The following PHC3 variants were observed in gnomAD, a reference collection of about 807,000 sequenced individuals.
The protein encoded by PHC3 is polyhomeotic-like protein 3.
In PHC3, 13 loss-of-function variants were observed where a neutral mutation model predicts 107.4. The observed-to-expected ratio is 0.12, with a 90% CI of 0.08 to 0.19. The LOEUF (loss-of-function observed/expected upper bound fraction) is 0.19. Ranked by LOEUF, PHC3 falls within the 10% of genes least tolerant of loss-of-function variation. The pLI is 1.00. For missense variants in PHC3, 992 were observed against 1,210.9 expected (o/e 0.82, Z 2.68); for synonymous variants, 456 against 427.4 (o/e 1.07, Z -0.83).
intron 5 of PHC3, chr3:170,147,221 C>G (rs1436386736): frequency 6.6e-6 from 1 of 152,158 alleles, no homozygotes; most frequent in African/African-American, 2.4e-5. Flanking sequence ...TTAACCAATT[C>G]AATTTAGTAA....
chr3:170,124,711 T>C (rs1720982765), intron 8 of PHC3, among the ~76,000 whole-genome samples: 1 of 152,194 alleles, frequency 6.6e-6, no homozygotes, highest in South Asian at 2.1e-4. Flanking sequence ...CAAGAAACCT[T>C]TCAGCAACAT....
chr3:170,165,833 T>C (rs1294154532), intron 4 of PHC3, among the ~76,000 whole-genome samples: 1 of 148,106 alleles, frequency 6.8e-6, no homozygotes, highest in African/African-American at 2.5e-5. Context: ...TCAGGCCCAG[T>C]AGCATGCACC....
At chr3:170,126,959 T>C (rs1053838564) in intron 8 of PHC3, among the ~76,000 whole-genome samples, 2 of 152,162 alleles carry the variant, frequency 1.3e-5, no homozygotes, top group Non-Finnish European at 2.9e-5. Context: ...TTGTATTTTT[T>C]TTCTTTTCTA....
intron 10 of PHC3, among the ~76,000 whole-genome samples, chr3:170,114,368 A>G (rs909207819): frequency 2.6e-5 from 4 of 152,232 alleles, no homozygotes; most frequent in African/African-American, 9.6e-5. Flanking sequence ...AAATGCTGAC[A>G]TGCCAGTATC....
chr3:170,102,538 T>C lies in PHC3; in HGVS notation c.2774A>G (p.Gln925Arg). Residue 925 changes from glutamine (Q) to arginine (R), a missense_variant, in exon 14 of 15, where the codon CAA (glutamine) becomes CGA (arginine). Around this residue, in one of 6 missense-constraint regions of PHC3, gnomAD observed 228 missense variants for 288.8 expected, o/e 0.79. Coordinates refer to ENST00000495893, the MANE Select transcript of PHC3 (RefSeq NM_024947.4). ...PENSDLLPVA[Q>R]TEPSIWTVDD... ...AACTGTCCATATAGATGGCTCTGTT[T>C]GTGCAACTGGTAGCAAGTCACTGTT... The C allele has an allele frequency of 6.2e-7, 1 of 1,613,906 alleles. No individual in the cohort carries two copies. The highest frequency in any genetic ancestry group is 8.5e-7 in the Non-Finnish European group (1 of 1,179,826).
In PHC3 at chr3:170,113,477, G is replaced by A. The variant is rs766842200; in HGVS notation, c.2236C>T (p.Arg746Trp). The change falls in exon 11 of 15, where the codon CGG becomes TGG. Residue 746 changes from arginine (R) to tryptophan (W), a missense_variant. Transcript: ENST00000495893. ...ATCACCTGATTATCCAAAAGAGGCC[G>A]TTTTTTCACAGGCTGTTCTATTAGC... Reference protein sequence around the residue: ...SLLIEQPVKKRPLLDNQVINS... With the variant: ...SLLIEQPVKKWPLLDNQVINS... 1.9e-5 allele frequency: 30 copies of A among 1,609,120 alleles called. No individual in the cohort carries two copies. The highest frequency in any genetic ancestry group is 1.7e-4 in the South Asian group (15 of 90,688).
chr3:170,178,964 A>C (rs1730966810), intron 1 of PHC3, 26 bp from the exon 2 acceptor site: 1 of 1,591,912 alleles, frequency 6.3e-7, no homozygotes, highest in Non-Finnish European at 8.6e-7. Flanking sequence ...AAGTGTTTGT[A>C]TTGGTAAAAG....
intron 9 of PHC3, among the ~76,000 whole-genome samples, chr3:170,121,704 C>G (rs1244026339): frequency 6.6e-6 from 1 of 152,078 alleles, no homozygotes; most frequent in Non-Finnish European, 1.5e-5. Context: ...CTTACTCAGT[C>G]TGAATCACAA....
intron 11 of PHC3, among the ~76,000 whole-genome samples, chr3:170,109,439 C>T (rs1717196676): frequency 6.6e-6 from 1 of 152,092 alleles, no homozygotes; most frequent in Non-Finnish European, 1.5e-5. Context: ...AGACATAAGA[C>T]CCTGGAGCTT....
At chr3:170,100,182 A>C (rs1056058258) in intron 14 of PHC3, among the ~76,000 whole-genome samples, 11 of 152,200 alleles carry the variant, frequency 7.2e-5, no homozygotes, top group African/African-American at 2.7e-4. Context: ...GAGGGAAGGA[A>C]GCCTATCTCA....
chr3:170,170,595 C>A (rs971901691), intron 4 of PHC3: 1 of 151,730 alleles, frequency 6.6e-6, no homozygotes, highest in Non-Finnish European at 1.5e-5. Flanking sequence ...TTAGGAAATA[C>A]ACATCAAAGT....
chr3:170,154,543 T>C lies in PHC3; in HGVS notation c.415-5299A>G, dbSNP rs751556393. Among the ~76,000 whole-genome samples the C allele has an allele frequency of 5.9e-5, 9 of 152,338 alleles. No homozygotes were observed. The South Asian group carries it at 6.2e-4, about 11-fold the overall frequency. ...AATAAAAGTCTTCTTTAAAAAATGA[T>C]TGGCTGATAGCTAACAAGCTGGAGA... On this transcript the variant is annotated intron_variant, in intron 4 of 14. Coordinates refer to ENST00000495893, the MANE Select transcript of PHC3 (RefSeq NM_024947.4).
intron 4 of PHC3, among the ~76,000 whole-genome samples, chr3:170,166,759 G>A (rs1728808275): frequency 6.6e-6 from 1 of 152,004 alleles, no homozygotes; most frequent in South Asian, 2.1e-4. Flanking sequence ...CAAACTCCTA[G>A]GCTCAAGCAA....
At chr3:170,160,000 A>G (rs936401466) in intron 4 of PHC3, among the ~76,000 whole-genome samples, 4 of 152,224 alleles carry the variant, frequency 2.6e-5, no homozygotes, top group Non-Finnish European at 5.9e-5. Context: ...AAGTTATAAG[A>G]TACTCCAGCA....
At position 170,149,213 on chromosome 3, in the gene PHC3, T is replaced by C; in HGVS notation, c.446A>G (p.Gln149Arg). ...GGAAGCCTGGGAACGGCTTATTAACTGTGCAGGTGTAGGAGAAGTGGAGAG... is the reference window on the plus strand; with the variant it reads ...GGAAGCCTGGGAACGGCTTATTAACCGTGCAGGTGTAGGAGAAGTGGAGAG... ...INLSTSPTPA[Q>R]LISRSQASSS... Residue 149 changes from glutamine to arginine, a missense_variant, in exon 5 of 15, where the codon CAG becomes CGG. By Grantham distance (43) the Gln-to-Arg change is conservative (BLOSUM62 1). This residue lies in a region of PHC3 where 161 missense variants were observed against 183.7 expected (regional missense o/e 0.88). Transcript: ENST00000495893. 1 of 1,612,826 alleles carries C rather than the reference T, an allele frequency of 6.2e-7. No individual in the cohort carries two copies. The highest frequency in any genetic ancestry group is 8.5e-7 in the Non-Finnish European group (1 of 1,179,692).
chr3:170,146,005 A>G (rs893018830), intron 5 of PHC3, among the ~76,000 whole-genome samples: 5 of 152,212 alleles, frequency 3.3e-5, no homozygotes, highest in Non-Finnish European at 7.4e-5. Context: ...CTACACTCCA[A>G]TATTTCACTT....
intron 4 of PHC3, chr3:170,170,441 T>G (rs984046718): frequency 6.6e-6 from 1 of 150,618 alleles, no homozygotes; most frequent in Admixed American, 6.7e-5. Context: ...CAACAAAGAA[T>G]TATCTGGCTC....
rs891719450 is a variant in PHC3, at chr3:170,091,834, A to G, written c.*5396T>C. Reference sequence around the variant, plus strand: ...AAAACGGATTAGGTTCTAAAAACTAATATGTAAAACTTTGAAAATTCTTAA... The same window carrying G: ...AAAACGGATTAGGTTCTAAAAACTAGTATGTAAAACTTTGAAAATTCTTAA... On this transcript the variant is annotated 3_prime_UTR_variant, in exon 15 of 15. Coordinates refer to ENST00000495893, the MANE Select transcript of PHC3 (RefSeq NM_024947.4). 2 of 152,200 alleles carry G rather than the reference A, an allele frequency of 1.3e-5. No individual in the cohort carries two copies. The highest frequency in any genetic ancestry group is 2.4e-5 in the African/African-American group (1 of 41,464). 9.4% of individuals were successfully genotyped at this position (152,200 alleles called of 1,614,324 possible). A position where few individuals can be genotyped will look rare whatever the true frequency, so the allele number is the denominator to read the frequency against.
At chr3:170,174,273 A>T (rs978706550) in intron 2 of PHC3, among the ~76,000 whole-genome samples, 5 of 152,192 alleles carry the variant, frequency 3.3e-5, no homozygotes, top group Admixed American at 6.5e-5. Flanking sequence ...TCAATAATTT[A>T]AAAAATTTTT....
Sources: allele counts gnomAD v4.1 joint callset (sites outside exome capture counted in the v4.1 genomes callset), GRCh38; gene constraint gnomAD v4.1.1; regional missense constraint gnomAD v4.1.1; transcripts MANE v1.5; gene names NCBI Gene and HGNC (gene_info 2026-07-23, HGNC 2026-07-21).